The following LYPLAL1 variants were observed in gnomAD, a reference collection of about 807,000 sequenced individuals.
LYPLAL1 encodes the protein lysophospholipase like 1.
In LYPLAL1, 23 loss-of-function variants were observed where a neutral mutation model predicts 19.7. The observed-to-expected ratio is 1.17, with a 90% CI of 0.84 to 1.65. The LOEUF is 1.65. LYPLAL1 is among the 40% of genes most tolerant of loss of function. The pLI is 0.00. For missense variants in LYPLAL1, 355 were observed against 279.4 expected (o/e 1.27, Z -1.93); for synonymous variants, 119 against 96.3 (o/e 1.24, Z -1.38).
chr1:219,250,696 A>G, the LYPLAL1 span, among the ~76,000 whole-genome samples: 4 of 151,854 alleles, frequency 2.6e-5, no homozygotes, highest in South Asian at 2.1e-4. Context: ...TCTTTATCCA[A>G]TCTGTCATTG....
chr1:219,292,964 T>G, the LYPLAL1 span, among the ~76,000 whole-genome samples: 1 of 152,198 alleles, frequency 6.6e-6, no homozygotes, highest in Admixed American at 6.5e-5. Flanking sequence ...GTCTTGTTAA[T>G]ATACTAGTGG....
At chr1:219,378,332 AAGG>A in the LYPLAL1 span, among the ~76,000 whole-genome samples, 119 of 152,242 alleles carry the variant, frequency 7.8e-4, no homozygotes, top group East Asian at 0.021. Context: ...TGGTGGCATC[AAGG>A]AGAAGAGTGA....
intron 3 of LYPLAL1, among the ~76,000 whole-genome samples, chr1:219,194,816 A>G (rs377676152): frequency 6.8e-4 from 104 of 152,202 alleles, no homozygotes; most frequent in Middle Eastern, 3.4e-3. Flanking sequence ...AAGATGCACA[A>G]ATTATTAAAA....
At chr1:219,275,174 A>G in the LYPLAL1 span, among the ~76,000 whole-genome samples, 46 of 152,296 alleles carry the variant, frequency 3.0e-4, no homozygotes, top group Non-Finnish European at 5.7e-4. Context: ...TTTATTGGGA[A>G]AAGAAATGCA....
the LYPLAL1 span, among the ~76,000 whole-genome samples, chr1:219,252,126 A>G: frequency 6.6e-6 from 1 of 151,918 alleles, no homozygotes; most frequent in African/African-American, 2.4e-5. Flanking sequence ...ATTTTTGCAT[A>G]TTGATTTTGT....
In LYPLAL1 at chr1:219,174,337, G is replaced by A. The variant is rs937657383; in HGVS notation, c.91+356G>A. On this transcript the variant is annotated intron_variant, in intron 1 of 4. Transcript: ENST00000366928. ...TTCTGCTAGAGGGAAATTATTTAGT[G>A]TTTTTCATTATCAGCTACTAGTGAT... 2.6e-5 allele frequency: 28 copies of A among 1,091,788 alleles called. No homozygotes were observed. The African/African-American group carries it at 3.6e-4, about 14-fold the overall frequency. The allele number at this position is 1,091,788 out of a possible 1,614,324, so 67.6% of individuals were successfully genotyped here. A position where few individuals can be genotyped will look rare whatever the true frequency, so the allele number is the denominator to read the frequency against.
the LYPLAL1 span, among the ~76,000 whole-genome samples, chr1:219,396,350 T>C: frequency 1.3e-5 from 2 of 152,190 alleles, no homozygotes; most frequent in Non-Finnish European, 2.9e-5. Context: ...TGTAGTATAG[T>C]TTGAAATTGC....
chr1:219,177,182 A>C (rs1003438029), intron 1 of LYPLAL1, among the ~76,000 whole-genome samples: 2 of 152,184 alleles, frequency 1.3e-5, no homozygotes, highest in Non-Finnish European at 2.9e-5. Context: ...ATGTTCAAGG[A>C]ACAGCAGTAA....
chr1:219,430,270 T>G, the LYPLAL1 span, among the ~76,000 whole-genome samples: 1 of 117,030 alleles, frequency 8.5e-6, no homozygotes, highest in Non-Finnish European at 1.6e-5. Flanking sequence ...ACCTGGGTGA[T>G]AGACAAGATC....
At chr1:219,191,151 A>C (rs1387357516) in intron 2 of LYPLAL1, among the ~76,000 whole-genome samples, 1 of 151,654 alleles carries the variant, frequency 6.6e-6, no homozygotes, top group Non-Finnish European at 1.5e-5. Context: ...ATATTTTCCT[A>C]CCTTTCCTGT....
the LYPLAL1 span, among the ~76,000 whole-genome samples, chr1:219,405,509 A>G: frequency 6.6e-6 from 1 of 152,254 alleles, no homozygotes; most frequent in Non-Finnish European, 1.5e-5. Context: ...TATTATACAC[A>G]CACACGTATA....
At chr1:219,377,000 A>G in the LYPLAL1 span, among the ~76,000 whole-genome samples, 1 of 152,206 alleles carries the variant, frequency 6.6e-6, no homozygotes, top group African/African-American at 2.4e-5. Flanking sequence ...CAAAGAATTG[A>G]AGGCAGTGTC....
the LYPLAL1 span, among the ~76,000 whole-genome samples, chr1:219,244,814 G>A: frequency 6.7e-4 from 101 of 150,580 alleles, no homozygotes; most frequent in Non-Finnish European, 6.0e-4. Flanking sequence ...AGACATCGTG[G>A]TGCATGCCTG....
the LYPLAL1 span, among the ~76,000 whole-genome samples, chr1:219,439,972 TAC>T: frequency 3.9e-4 from 44 of 114,038 alleles, no homozygotes; most frequent in African/African-American, 1.7e-3. Context: ...TATATATATA[TAC>T]ATATATATAT....
At chr1:219,390,526 G>A in the LYPLAL1 span, among the ~76,000 whole-genome samples, 121 of 152,216 alleles carry the variant, frequency 7.9e-4, no homozygotes, top group Non-Finnish European at 1.2e-3. Flanking sequence ...ATAATATGAC[G>A]ACCTTTGCCG....
the LYPLAL1 span, among the ~76,000 whole-genome samples, chr1:219,387,703 G>A: frequency 3.3e-5 from 5 of 152,174 alleles, no homozygotes; most frequent in African/African-American, 1.2e-4. Context: ...CAGATGCTTA[G>A]AATCATGAAT....
chr1:219,369,703 C>A, the LYPLAL1 span, among the ~76,000 whole-genome samples: 2 of 152,210 alleles, frequency 1.3e-5, no homozygotes, highest in African/African-American at 4.8e-5. Flanking sequence ...TGCAATATGT[C>A]CTGGTCATAT....
chr1:219,188,862 AG>A (rs1245420865), intron 2 of LYPLAL1, among the ~76,000 whole-genome samples: 1 of 151,744 alleles, frequency 6.6e-6, no homozygotes, highest in Admixed American at 6.6e-5. Flanking sequence ...TTGAGGAAGA[AG>A]GTGAATGAGT....
At chr1:219,232,387 A>G in the LYPLAL1 span, among the ~76,000 whole-genome samples, 1 of 152,230 alleles carries the variant, frequency 6.6e-6, no homozygotes, top group African/African-American at 2.4e-5. Context: ...ACTGTATACA[A>G]AAATTAGCTC....
Sources: allele counts gnomAD v4.1 joint callset (sites outside exome capture counted in the v4.1 genomes callset), GRCh38; gene constraint gnomAD v4.1.1; transcripts MANE v1.5; gene names NCBI Gene and HGNC (gene_info 2026-07-23, HGNC 2026-07-21).